TSPAN15: variants seen among roughly 807,000 people sequenced by gnomAD.
TSPAN15 encodes tetraspanin-15.
Under a neutral mutation model 34.5 loss-of-function variants are expected in TSPAN15, and 20 were observed. The ratio of observed to expected loss-of-function variants is 0.58; its 90% CI spans 0.41 to 0.84. TSPAN15 has a LOEUF of 0.84. TSPAN15 is among the 40% of genes least tolerant of loss of function. The pLI, the probability that TSPAN15 is intolerant of heterozygous loss-of-function variation, is 0.00. For synonymous variants in TSPAN15, 155 were observed against 153.9 expected (o/e 1.01, Z -0.05); for missense variants, 313 against 386.1 (o/e 0.81, Z 1.59).
chr10:69,530,025 C>CT, the TSPAN15 span, among the ~76,000 whole-genome samples: 4 of 147,914 alleles, frequency 2.7e-5, no homozygotes, highest in Admixed American at 2.1e-4. Context: ...TTATTTCATT[C>CT]TTTTTTATGG....
At chr10:69,508,440 C>CAAAAAAAAAAAAAAAA (rs71009229), downstream of TSPAN15, among the ~76,000 whole-genome samples, 4 of 62,174 alleles carry the variant, frequency 6.4e-5, no homozygotes, top group Non-Finnish European at 5.8e-5. Flanking sequence ...GACTCCATCT[C>CAAAAAAAAAAAAAAAA]AAAAAAAAAA....
chr10:69,509,087 C>G (rs923523147), downstream of TSPAN15, among the ~76,000 whole-genome samples: 11 of 151,692 alleles, frequency 7.3e-5, no homozygotes, highest in African/African-American at 2.7e-4. Context: ...AGAGGGGAGA[C>G]GGCAGCTGCC....
chr10:69,506,575 CA>C lies in TSPAN15; in HGVS notation c.736-253del, dbSNP rs1180306832. Among the ~76,000 whole-genome samples, 1 of 152,166 alleles carries C rather than the reference CA, an allele frequency of 6.6e-6. No individual in the cohort carries two copies. Among genetic ancestry groups the C allele is most frequent in the Non-Finnish European group, 1.5e-5 (1 of 68,024 alleles). On this transcript the variant is annotated intron_variant, in intron 7 of 7. Coordinates refer to ENST00000373290, the MANE Select transcript of TSPAN15 (RefSeq NM_012339.5). The surrounding 1 kb of genome is among the most constrained non-coding windows in gnomAD (Gnocchi z 4.7). ...AGAGCTGGGGTGGAGGCAGGAATCC[CA>C]GAAGGGAGGGGCCCTTGCTGATGGG...
intron 1 of TSPAN15, among the ~76,000 whole-genome samples, chr10:69,480,196 G>A (rs891526225): frequency 5.3e-5 from 8 of 152,170 alleles, no homozygotes; most frequent in Admixed American, 1.3e-4. Flanking sequence ...GGCAGCTCTG[G>A]TGTTTGGGGG....
intron 1 of TSPAN15, among the ~76,000 whole-genome samples, chr10:69,473,495 C>T (rs181935318): frequency 1.8e-4 from 27 of 151,034 alleles, no homozygotes; most frequent in African/African-American, 5.4e-4. Context: ...CCCGTGGGGG[C>T]GGAGTCAGAG....
At chr10:69,455,623 TCTC>T (rs1243100352) in intron 1 of TSPAN15, among the ~76,000 whole-genome samples, 3 of 87,904 alleles carry the variant, frequency 3.4e-5, no homozygotes, top group African/African-American at 9.8e-5. Context: ...TCTCTCTCTC[TCTC>T]CCCCCCCCGT....
the TSPAN15 span, among the ~76,000 whole-genome samples, chr10:69,529,931 A>G: frequency 2.0e-5 from 3 of 147,230 alleles, no homozygotes; most frequent in South Asian, 6.4e-4. Flanking sequence ...ATAAGTGAGA[A>G]CACATGACAT....
downstream of TSPAN15, among the ~76,000 whole-genome samples, chr10:69,507,971 G>C (rs1219353348): frequency 2.6e-5 from 4 of 152,126 alleles, no homozygotes; most frequent in Non-Finnish European, 4.4e-5. Flanking sequence ...CACCTACCGC[G>C]CTCCCTGCAG....
rs372964410 is a variant in TSPAN15 at position 69,507,020 on chromosome 10, A to T, written c.*42A>T. The T allele has an allele frequency of 1.9e-6, 3 of 1,592,788 alleles. No individual in the cohort carries two copies. The highest frequency in any genetic ancestry group is 2.6e-6 in the Non-Finnish European group (3 of 1,171,040). The stretch of plus-strand genomic sequence containing the variant: ...GCAGCTCCAACAAGGACCGTCTGGG[A>T]TAGCACCTCTCAGTCAACATCGTGG... On this transcript the variant is annotated 3_prime_UTR_variant, in exon 8 of 8. Coordinates refer to ENST00000373290, the MANE Select transcript of TSPAN15 (RefSeq NM_012339.5).
chr10:69,539,536 A>AAGAAGAAGAAGAAGAAGAAGAAGAAGG, the TSPAN15 span, among the ~76,000 whole-genome samples: 1 of 71,514 alleles, frequency 1.4e-5, no homozygotes, highest in Non-Finnish European at 3.0e-5. Flanking sequence ...GAAGAAGAAG[A>AAGAAGAAGAAGAAGAAGAAGAAGAAGG]AGGAGAAGGA....
rs1842061645 is a variant in TSPAN15, at chr10:69,495,547, C to T, written c.358-47C>T. On this transcript the variant is annotated intron_variant, in intron 3 of 7. Coordinates refer to ENST00000373290, the MANE Select transcript of TSPAN15 (RefSeq NM_012339.5). ...CTTCTGGAAAACCTTGGGTTGGACT[C>T]CGGGAGTGTGTGGTTCTTTTCCTTT... 4 of 1,443,870 alleles carry T rather than the reference C, an allele frequency of 2.8e-6. No individual in the cohort carries two copies. In the African/African-American group the frequency reaches 5.6e-5, roughly 20 times the overall value. 89.4% of individuals were successfully genotyped at this position (1,443,870 alleles called of 1,614,324 possible).
intron 3 of TSPAN15, among the ~76,000 whole-genome samples, chr10:69,492,349 AC>A (rs1032349186): frequency 6.6e-6 from 1 of 151,848 alleles, no homozygotes; most frequent in Non-Finnish European, 1.5e-5. Flanking sequence ...TCTCACACAC[AC>A]CCACCCCCAA....
the TSPAN15 span, among the ~76,000 whole-genome samples, chr10:69,518,224 A>G: frequency 6.6e-6 from 1 of 152,240 alleles, no homozygotes; most frequent in South Asian, 2.1e-4. Context: ...CAAATGCAAG[A>G]TATCAAAGGG....
chr10:69,461,577 C>T (rs936938775), intron 1 of TSPAN15, among the ~76,000 whole-genome samples: 5 of 152,192 alleles, frequency 3.3e-5, no homozygotes, highest in East Asian at 3.9e-4. Flanking sequence ...CTGACCTCTC[C>T]GGCTGTGCTG....
rs529039391 is a variant in TSPAN15 at position 69,453,377 on chromosome 10, T to G, written c.96+1687T>G. Among the ~76,000 whole-genome samples, 18 of 152,322 alleles carry G rather than the reference T, an allele frequency of 1.2e-4. No individual in the cohort carries two copies. The East Asian group carries it at 3.5e-3, about 29-fold the overall frequency. On this transcript the variant is annotated intron_variant, in intron 1 of 7. Transcript: ENST00000373290. ...CAGTATTGAAAACTGCTGCCCTAGA[T>G]GGTCTCATAGGTCCCCTAAGTCCCC...
At chr10:69,521,374 G>A in the TSPAN15 span, among the ~76,000 whole-genome samples, 1 of 147,382 alleles carries the variant, frequency 6.8e-6, no homozygotes, top group South Asian at 2.2e-4. Context: ...GCCAGGTGTG[G>A]TGGTGCACAC....
At chr10:69,530,808 CTCTCTCTCTCTCTA>C in the TSPAN15 span, among the ~76,000 whole-genome samples, 103 of 69,072 alleles carry the variant, frequency 1.5e-3, no homozygotes, top group Non-Finnish European at 2.4e-3. Flanking sequence ...CTCTCTCTCT[CTCTCTCTCTCTCTA>C]TATATATATA....
intron 1 of TSPAN15, among the ~76,000 whole-genome samples, chr10:69,456,590 TA>T (rs1357838046): frequency 2.0e-5 from 3 of 152,056 alleles, no homozygotes; most frequent in Non-Finnish European, 4.4e-5. Flanking sequence ...TTAAAATAAG[TA>T]CAGTACAGGG....
At chr10:69,471,952 A>G (rs879654219) in intron 1 of TSPAN15, among the ~76,000 whole-genome samples, 15 of 152,210 alleles carry the variant, frequency 9.9e-5, no homozygotes, top group Non-Finnish European at 2.2e-4. Flanking sequence ...GTTTTAATTT[A>G]TGGTAAATAA....
Sources: allele counts gnomAD v4.1 joint callset (sites outside exome capture counted in the v4.1 genomes callset), GRCh38; gene constraint gnomAD v4.1.1; non-coding constraint Gnocchi (gnomAD v3.1); transcripts MANE v1.5; gene names NCBI Gene and HGNC (gene_info 2026-07-23, HGNC 2026-07-21).